Variants in TAFA1 observed in about 807,000 individuals in gnomAD.
The protein encoded by TAFA1 is TAFA chemokine like family member 1.
TAFA1 carries 4 observed loss-of-function variants against 18.5 expected under a neutral mutation model. The observed-to-expected ratio is 0.22, with a 90% CI of 0.11 to 0.49. TAFA1 has a LOEUF of 0.49. Among genes scored for constraint, TAFA1 ranks in the 20% least tolerant of loss-of-function variants. TAFA1 has a pLI of 0.98. For missense variants in TAFA1, 147 were observed against 169.0 expected, an observed-to-expected ratio of 0.87 and a Z score of 0.72; for synonymous variants, 56 against 55.2, an observed-to-expected ratio of 1.01 and a Z score of -0.06.
At chr3:68,511,553 C>G (rs1449077071) in intron 3 of TAFA1, among the ~76,000 whole-genome samples, 2 of 151,868 alleles carry the variant, frequency 1.3e-5, no homozygotes, top group African/African-American at 4.8e-5. Context: ...GGTTTTCATG[C>G]CTTAAAATGA....
At chr3:68,388,484 C>T (rs1359924870) in intron 2 of TAFA1, among the ~76,000 whole-genome samples, 1 of 151,960 alleles carries the variant, frequency 6.6e-6, no homozygotes. Flanking sequence ...CATTTTTTCT[C>T]TAATATATCA....
intron 2 of TAFA1, among the ~76,000 whole-genome samples, chr3:68,169,128 C>T (rs890272229): frequency 2.0e-5 from 3 of 151,948 alleles, no homozygotes; most frequent in Admixed American, 6.6e-5. Context: ...CTTCCCACAC[C>T]GAATCCAGGC....
chr3:68,520,304 G>A (rs2073001063), intron 3 of TAFA1, among the ~76,000 whole-genome samples: 1 of 152,184 alleles, frequency 6.6e-6, no homozygotes, highest in South Asian at 2.1e-4. Flanking sequence ...CCTGCCACAG[G>A]TAGGACAGAA....
chr3:68,505,052 G>T (rs1319623640), intron 3 of TAFA1, among the ~76,000 whole-genome samples: 1 of 152,144 alleles, frequency 6.6e-6, no homozygotes, highest in East Asian at 1.9e-4. Context: ...AAAGATCAAA[G>T]CATGTTTGCT....
rs919886128 is a variant in TAFA1, at chr3:68,538,712, G to C, written c.260-44G>C. The stretch of plus-strand genomic sequence containing the variant: ...GGGACACAACGTCAGTGTTCAGGTT[G>C]TTTGGATGAATTGCAAACACAGTTG... On this transcript the variant is annotated intron_variant, in intron 3 of 4. Transcript: ENST00000478136. The C allele has an allele frequency of 2.5e-6, 4 of 1,608,516 alleles. No individual in the cohort carries two copies. In the South Asian group the frequency reaches 4.4e-5, roughly 18 times the overall value.
At chr3:68,337,528 C>T (rs1449610413) in intron 2 of TAFA1, among the ~76,000 whole-genome samples, 1 of 152,130 alleles carries the variant, frequency 6.6e-6, no homozygotes, top group Non-Finnish European at 1.5e-5. Context: ...TACAAAACTG[C>T]ACATAATTGA....
chr3:68,393,494 C>A (rs1382700935), intron 2 of TAFA1, among the ~76,000 whole-genome samples: 1 of 152,108 alleles, frequency 6.6e-6, no homozygotes, highest in Non-Finnish European at 1.5e-5. Context: ...AAGAGGCACT[C>A]CTCCCTAAGT....
chr3:68,539,637 C>T (rs543007180), intron 4 of TAFA1, among the ~76,000 whole-genome samples: 1 of 131,988 alleles, frequency 7.6e-6, no homozygotes, highest in African/African-American at 2.9e-5. Context: ...TGAGTATCAG[C>T]CCTGTTTCTC....
intron 2 of TAFA1, among the ~76,000 whole-genome samples, chr3:68,370,341 T>TACACACACAC (rs1559637447): frequency 4.3e-5 from 3 of 69,140 alleles, no homozygotes; most frequent in African/African-American, 1.8e-4. Context: ...TATATATATA[T>TACACACACAC]ATATATATAT....
At chr3:68,072,944 A>G (rs2064775164) in intron 2 of TAFA1, among the ~76,000 whole-genome samples, 1 of 152,172 alleles carries the variant, frequency 6.6e-6, no homozygotes, top group Non-Finnish European at 1.5e-5. Context: ...CTTCAGCATT[A>G]ATTAGTTTGT....
chr3:68,353,321 T>C (rs1282701218), intron 2 of TAFA1, among the ~76,000 whole-genome samples: 1 of 152,120 alleles, frequency 6.6e-6, no homozygotes, highest in Non-Finnish European at 1.5e-5. Flanking sequence ...ATTGTGAAGA[T>C]GGACTTGATT....
chr3:68,489,945 T>C (rs912362145), intron 3 of TAFA1, among the ~76,000 whole-genome samples: 1 of 152,178 alleles, frequency 6.6e-6, no homozygotes, highest in Non-Finnish European at 1.5e-5. Context: ...AATGAAAAAT[T>C]GACAAACTAT....
intron 2 of TAFA1, among the ~76,000 whole-genome samples, chr3:68,031,103 T>C (rs1341672642): frequency 6.6e-6 from 1 of 152,204 alleles, no homozygotes; most frequent in Non-Finnish European, 1.5e-5. Context: ...CTATGTTAAC[T>C]TAGCAGTTCT....
chr3:68,334,686 C>A (rs1237617687), intron 2 of TAFA1, among the ~76,000 whole-genome samples: 1 of 152,066 alleles, frequency 6.6e-6, no homozygotes, highest in Non-Finnish European at 1.5e-5. Context: ...GTAGGAAATT[C>A]ACCCTGAAAT....
rs7614996 is a variant in TAFA1, at chr3:68,333,905, C to T, written c.119-83375C>T. ...TTATAATGAAATAAGCCATCCACAG[C>T]AAGACAAATATTGTGTGATTTCACT... On this transcript the variant is annotated intron_variant, in intron 2 of 4. Transcript: ENST00000478136. Among the ~76,000 whole-genome samples the T allele has an allele frequency of 1.2e-4, 19 of 152,142 alleles. 1 individual carries two copies. The South Asian group carries it at 2.9e-3, about 23-fold the overall frequency.
chr3:68,416,175 G>T (rs1459033438), intron 2 of TAFA1, among the ~76,000 whole-genome samples: 1 of 152,150 alleles, frequency 6.6e-6, no homozygotes, highest in Non-Finnish European at 1.5e-5. Context: ...GAGGATCTCT[G>T]CATTACACAG....
chr3:68,171,591 A>G (rs2066054564), intron 2 of TAFA1, among the ~76,000 whole-genome samples: 1 of 152,206 alleles, frequency 6.6e-6, no homozygotes, highest in Non-Finnish European at 1.5e-5. Context: ...AAAGAAGCCA[A>G]TCAATAGAAG....
At chr3:68,264,364 T>C (rs1203947775) in intron 2 of TAFA1, among the ~76,000 whole-genome samples, 1 of 152,222 alleles carries the variant, frequency 6.6e-6, no homozygotes, top group Admixed American at 6.5e-5. Flanking sequence ...TATTGAAGTT[T>C]GGGAACTGTC....
chr3:68,493,923 C>T (rs557568126), intron 3 of TAFA1, among the ~76,000 whole-genome samples: 95 of 152,266 alleles, frequency 6.2e-4, no homozygotes, highest in African/African-American at 2.1e-3. Flanking sequence ...TGATTTGGAG[C>T]TTCCAATTCA....
Sources: gnomAD v4.1 joint callset for allele counts (sites outside exome capture counted in the v4.1 genomes callset) on GRCh38, gnomAD v4.1.1 for gene constraint, MANE v1.5 for transcripts, NCBI Gene and HGNC (gene_info 2026-07-23, HGNC 2026-07-21) for gene names.